The following FAM120B variants were observed in gnomAD, a reference collection of about 807,000 sequenced individuals.
FAM120B encodes constitutive coactivator of peroxisome proliferator-activated receptor gamma.
FAM120B carries 83 observed loss-of-function variants against 96.3 expected under a neutral mutation model. The observed-to-expected ratio is 0.86, with a 90% CI of 0.72 to 1.03. The LOEUF (loss-of-function observed/expected upper bound fraction) is 1.03, where lower values mean the gene tolerates loss of function less well. Ranked by LOEUF, FAM120B falls within the 50% of genes least tolerant of loss-of-function variation. The pLI is 0.00. For missense variants in FAM120B, 1,027 were observed against 1,121.2 expected (o/e 0.92, Z 1.20); for synonymous variants, 407 against 402.7 (o/e 1.01, Z -0.13).
intron 6 of FAM120B, among the ~76,000 whole-genome samples, chr6:170,372,725 G>A (rs538768589): frequency 3.3e-5 from 5 of 152,300 alleles, no homozygotes; most frequent in Admixed American, 3.3e-4. Context: ...CCTGCTAAAG[G>A]AGGCTGAGGA....
intron 9 of FAM120B, among the ~76,000 whole-genome samples, chr6:170,400,427 C>T (rs568406966): frequency 6.6e-6 from 1 of 152,234 alleles, no homozygotes; most frequent in East Asian, 1.9e-4. Context: ...GAGTCACAGG[C>T]TTTTCTTTAT....
intron 6 of FAM120B, among the ~76,000 whole-genome samples, chr6:170,377,225 C>T (rs1258229012): frequency 2.8e-5 from 3 of 107,770 alleles, no homozygotes; most frequent in South Asian, 3.6e-4. Context: ...GCTGTGCACA[C>T]GCGTCCCTAA....
intron 5 of FAM120B, among the ~76,000 whole-genome samples, chr6:170,352,180 A>T (rs767298993): frequency 9.2e-5 from 14 of 152,238 alleles, no homozygotes; most frequent in Non-Finnish European, 1.5e-4. Flanking sequence ...ACAAAGATTT[A>T]AAAAAGACAA....
At chr6:170,292,146 G>GC (rs1336485178), upstream of FAM120B, among the ~76,000 whole-genome samples, 1 of 152,164 alleles carries the variant, frequency 6.6e-6, no homozygotes, top group Non-Finnish European at 1.5e-5. The surrounding 1 kb of genome is among the most constrained non-coding windows in gnomAD (Gnocchi z 6.6). Context: ...ATGTTCTAAA[G>GC]CCCCTCCAGC....
chr6:170,348,262 T>G lies in FAM120B; in HGVS notation c.2129T>G (p.Leu710Arg). ...AATCTTTCCTCCTCAAGAGAAGAGC[T>G]GCAGGCTGTCGAAAGCCCATTTCAA... ...CFNLSSSREE[L>R]QAVESPFQAL... The change falls in exon 5 of 11, where the codon CTG (leucine) becomes CGG (arginine). Residue 710 changes from leucine (L) to arginine (R), a missense_variant. Leu to Arg is a moderately radical substitution (Grantham distance 102). This residue lies in a region of FAM120B where 880 missense variants were observed against 980.9 expected (regional missense o/e 0.90). Coordinates refer to ENST00000476287, the MANE Select transcript of FAM120B (RefSeq NM_032448.3). 3 of 1,614,036 alleles carry G rather than the reference T, an allele frequency of 1.9e-6. No homozygotes were observed. The highest frequency in any genetic ancestry group is 2.5e-6 in the Non-Finnish European group (3 of 1,179,962).
At chr6:170,381,072 A>C (rs1419664701) in intron 6 of FAM120B, among the ~76,000 whole-genome samples, 1 of 152,234 alleles carries the variant, frequency 6.6e-6, no homozygotes, top group Non-Finnish European at 1.5e-5. Context: ...AAGGTAATAA[A>C]GAAGTCCCAT....
intron 4 of FAM120B, among the ~76,000 whole-genome samples, chr6:170,345,907 C>T (rs936660160): frequency 3.9e-5 from 6 of 152,184 alleles, no homozygotes; most frequent in South Asian, 4.1e-4. Flanking sequence ...GTGATTCTCT[C>T]ATGAGAACAT....
chr6:170,297,905 C>T (rs573757825), intron 1 of FAM120B: 5 of 152,300 alleles, frequency 3.3e-5, no homozygotes, highest in African/African-American at 1.2e-4. Flanking sequence ...TTATTAAACT[C>T]TAGCGGTTGT....
At chr6:170,380,171 G>A (rs1332295539) in intron 6 of FAM120B, among the ~76,000 whole-genome samples, 1 of 152,116 alleles carries the variant, frequency 6.6e-6, no homozygotes, top group African/African-American at 2.4e-5. Flanking sequence ...GTTACAACAT[G>A]ACAGGATTTT....
intron 6 of FAM120B, among the ~76,000 whole-genome samples, chr6:170,385,530 G>T (rs1410726255): frequency 6.6e-6 from 1 of 152,100 alleles, no homozygotes; most frequent in African/African-American, 2.4e-5. Flanking sequence ...TATGTCATTC[G>T]CAGGAGTTCT....
At chr6:170,311,170 A>G (rs947523855) in intron 1 of FAM120B, among the ~76,000 whole-genome samples, 3 of 152,220 alleles carry the variant, frequency 2.0e-5, no homozygotes, top group African/African-American at 4.8e-5. Flanking sequence ...GCCTCCACCC[A>G]TCCCCAGAAC....
At chr6:170,298,230 T>C (rs1045316789) in intron 1 of FAM120B, 2 of 152,102 alleles carry the variant, frequency 1.3e-5, no homozygotes, top group Non-Finnish European at 2.9e-5. Context: ...CCTGCTCCAA[T>C]AAATGGGCTG....
upstream of FAM120B, among the ~76,000 whole-genome samples, chr6:170,305,594 A>C (rs914920499): frequency 1.3e-5 from 2 of 152,260 alleles, no homozygotes; most frequent in African/African-American, 4.8e-5. Flanking sequence ...ACCAGGGCTT[A>C]TAGCTGCCTT....
upstream of FAM120B, among the ~76,000 whole-genome samples, chr6:170,303,521 C>A (rs1784186265): frequency 6.6e-6 from 1 of 152,208 alleles, no homozygotes; most frequent in African/African-American, 2.4e-5. Context: ...GCATTACAGG[C>A]ATGAGCCAAT....
intron 9 of FAM120B, among the ~76,000 whole-genome samples, chr6:170,398,450 G>C (rs1778328697): frequency 1.3e-5 from 2 of 151,996 alleles, no homozygotes; most frequent in Non-Finnish European, 2.9e-5. Flanking sequence ...GTAGAACTAT[G>C]TCATAAGCCT....
chr6:170,354,359 G>A (rs2115168108), intron 5 of FAM120B, among the ~76,000 whole-genome samples: 2 of 152,256 alleles, frequency 1.3e-5, no homozygotes, highest in African/African-American at 4.8e-5. Context: ...ACATAGGCAT[G>A]GGTAAAGACT....
intron 5 of FAM120B, among the ~76,000 whole-genome samples, chr6:170,356,367 A>G (rs531004533): frequency 6.6e-6 from 1 of 152,358 alleles, no homozygotes; most frequent in East Asian, 1.9e-4. Flanking sequence ...AAGGTGCTGT[A>G]TTATTCCCAG....
chr6:170,356,333 C>T (rs1231658797), intron 5 of FAM120B, among the ~76,000 whole-genome samples: 1 of 152,116 alleles, frequency 6.6e-6, no homozygotes, highest in Admixed American at 6.6e-5. Flanking sequence ...ATTGATAAAT[C>T]AATTTTGTAT....
chr6:170,395,453 A>T (rs369264111), intron 8 of FAM120B, 34 bp from the exon 9 acceptor site: 66 of 1,521,662 alleles, frequency 4.3e-5, no homozygotes, highest in Non-Finnish European at 5.8e-5. Context: ...GACATTTGAC[A>T]ACTTACTAAT....
Sources: allele counts gnomAD v4.1 joint callset (sites outside exome capture counted in the v4.1 genomes callset), GRCh38; gene constraint gnomAD v4.1.1; regional missense constraint gnomAD v4.1.1; non-coding constraint Gnocchi (gnomAD v3.1); transcripts MANE v1.5; gene names NCBI Gene and HGNC (gene_info 2026-07-23, HGNC 2026-07-21).